The following CSTPP1 variants were observed in gnomAD, a reference collection of about 807,000 sequenced individuals.
CSTPP1 encodes UPF0705 protein C11orf49.
the CSTPP1 span, among the ~76,000 whole-genome samples, chr11:46,942,065 C>T: frequency 1.3e-5 from 2 of 152,212 alleles, no homozygotes. Context: ...TCCCCACTGA[C>T]TTTGTAGATT....
the CSTPP1 span, among the ~76,000 whole-genome samples, chr11:46,971,846 G>A: frequency 6.6e-6 from 1 of 152,064 alleles, no homozygotes; most frequent in African/African-American, 2.4e-5. Flanking sequence ...TACTTGGGAG[G>A]CTGAGATAGG....
the CSTPP1 span, among the ~76,000 whole-genome samples, chr11:47,148,882 T>C: frequency 6.6e-6 from 1 of 152,022 alleles, no homozygotes; most frequent in African/African-American, 2.4e-5. Context: ...AATCCTGGGG[T>C]CAACTAATCC....
the CSTPP1 span, among the ~76,000 whole-genome samples, chr11:47,142,082 A>C: frequency 6.6e-6 from 1 of 151,912 alleles, no homozygotes; most frequent in Non-Finnish European, 1.5e-5. Context: ...ATCTCTACTA[A>C]AAATACAAAA....
At chr11:47,159,438 A>T in the CSTPP1 span, among the ~76,000 whole-genome samples, 1 of 152,098 alleles carries the variant, frequency 6.6e-6, no homozygotes, top group Non-Finnish European at 1.5e-5. Flanking sequence ...TGAGCCCAGA[A>T]GGCGGAGGTT....
chr11:47,115,630 T>C, the CSTPP1 span, among the ~76,000 whole-genome samples: 1 of 152,220 alleles, frequency 6.6e-6, no homozygotes. Context: ...TGATGGTAGT[T>C]TGTATTTCTG....
chr11:46,997,963 C>A, the CSTPP1 span, among the ~76,000 whole-genome samples: 1 of 152,180 alleles, frequency 6.6e-6, no homozygotes, highest in Admixed American at 6.5e-5. Context: ...AAGTGTCAGT[C>A]GGCCCCTACT....
chr11:47,074,953 A>G, the CSTPP1 span, among the ~76,000 whole-genome samples: 2 of 152,216 alleles, frequency 1.3e-5, no homozygotes, highest in Non-Finnish European at 2.9e-5. Flanking sequence ...AGGAGAATAT[A>G]GTTCTATTTT....
chr11:47,129,843 G>A, the CSTPP1 span, among the ~76,000 whole-genome samples: 3 of 152,058 alleles, frequency 2.0e-5, no homozygotes, highest in African/African-American at 7.2e-5. Context: ...CATTTTAAAC[G>A]TTGCCATAAA....
At chr11:47,080,449 C>T in the CSTPP1 span, among the ~76,000 whole-genome samples, 7 of 151,984 alleles carry the variant, frequency 4.6e-5, no homozygotes, top group South Asian at 2.1e-4. Context: ...AGTGAAACTC[C>T]GTCTCAAAAA....
the CSTPP1 span, chr11:47,109,367 C>T: frequency 6.6e-6 from 1 of 151,924 alleles, no homozygotes; most frequent in African/African-American, 2.4e-5. Flanking sequence ...TTCTGAGGAC[C>T]GAGGACAAGC....
the CSTPP1 span, among the ~76,000 whole-genome samples, chr11:47,047,728 C>T: frequency 2.6e-5 from 4 of 152,120 alleles, no homozygotes; most frequent in Admixed American, 6.5e-5. Context: ...AAAGGACAAC[C>T]TACACAATAG....
the CSTPP1 span, chr11:46,987,943 A>C: frequency 1.3e-5 from 2 of 152,344 alleles, no homozygotes; most frequent in African/African-American, 4.8e-5. Context: ...TACAAATGGC[A>C]AACAGGCATA....
chr11:47,011,270 A>G, the CSTPP1 span, among the ~76,000 whole-genome samples: 1 of 152,242 alleles, frequency 6.6e-6, no homozygotes, highest in Non-Finnish European at 1.5e-5. Context: ...GAAATATGCC[A>G]GATGGTAGAA....
chr11:47,077,409 G>A, the CSTPP1 span, among the ~76,000 whole-genome samples: 6 of 151,734 alleles, frequency 4.0e-5, no homozygotes, highest in Non-Finnish European at 7.4e-5. Context: ...CTTGTTGGTC[G>A]GGCTGGTCTC....
chr11:46,988,547 A>G, the CSTPP1 span, among the ~76,000 whole-genome samples: 1 of 152,008 alleles, frequency 6.6e-6, no homozygotes, highest in South Asian at 2.1e-4. Flanking sequence ...GAATAGAAGG[A>G]TGGTTACCAG....
the CSTPP1 span, among the ~76,000 whole-genome samples, chr11:46,962,580 C>G: frequency 6.6e-6 from 1 of 151,952 alleles, no homozygotes; most frequent in African/African-American, 2.4e-5. Flanking sequence ...AGTGTCTTTC[C>G]TATTATTTAG....
the CSTPP1 span, among the ~76,000 whole-genome samples, chr11:47,070,801 T>A: frequency 1.3e-5 from 2 of 152,198 alleles, no homozygotes; most frequent in Non-Finnish European, 2.9e-5. Flanking sequence ...AGAACCTCAA[T>A]GGTTCTGTAT....
chr11:46,973,908 G>A, the CSTPP1 span, among the ~76,000 whole-genome samples: 5 of 151,986 alleles, frequency 3.3e-5, no homozygotes, highest in Non-Finnish European at 7.4e-5. Flanking sequence ...AAACTTCAAT[G>A]GCTTCTTCTT....
At chr11:46,997,844 T>C in the CSTPP1 span, among the ~76,000 whole-genome samples, 30 of 152,302 alleles carry the variant, frequency 2.0e-4, no homozygotes, top group East Asian at 5.8e-3. Context: ...CCTGTTTGCC[T>C]GGGTATCACC....
Sources: allele counts gnomAD v4.1 joint callset (sites outside exome capture counted in the v4.1 genomes callset), GRCh38; gene constraint gnomAD v4.1.1; transcripts MANE v1.5; gene names NCBI Gene and HGNC (gene_info 2026-07-23, HGNC 2026-07-21).